Variants in NCALD observed in about 807,000 individuals in gnomAD.
NCALD encodes the protein neurocalcin-delta.
NCALD carries 10 observed loss-of-function variants against 18.6 expected under a neutral mutation model. The observed-to-expected ratio is 0.54, with a 90% CI of 0.33 to 0.91. The LOEUF (loss-of-function observed/expected upper bound fraction) is 0.91. NCALD is among the 40% of genes least tolerant of loss of function. The probability of loss-of-function intolerance (pLI) is 0.03; values close to 1 mark genes in which losing one functional copy is unlikely to be tolerated. For missense variants in NCALD, 184 were observed against 247.6 expected, an observed-to-expected ratio of 0.74 and a Z score of 1.72; for synonymous variants, 88 against 87.4, an observed-to-expected ratio of 1.01 and a Z score of -0.04.
chr8:101,690,807 C>T (rs1476249270), intron 3 of NCALD: 1 of 985,294 alleles, frequency 1.0e-6, no homozygotes, highest in Non-Finnish European at 1.2e-6. Context: ...TAATGACTTC[C>T]TCCAGCTTGG....
chr8:101,856,630 T>C (rs1351366458), intron 4 of NCALD, among the ~76,000 whole-genome samples: 1 of 152,170 alleles, frequency 6.6e-6, no homozygotes, highest in South Asian at 2.1e-4. Context: ...TGAAAACTTA[T>C]GGTATACTTA....
chr8:101,798,892 C>A (rs1812738044), intron 4 of NCALD, among the ~76,000 whole-genome samples: 2 of 152,224 alleles, frequency 1.3e-5, no homozygotes, highest in African/African-American at 4.8e-5. Flanking sequence ...TCTGCAAAGG[C>A]AATTCAATGG....
At chr8:101,865,259 AAAATGGTT>A (rs1815721988) in intron 4 of NCALD, among the ~76,000 whole-genome samples, 1 of 152,200 alleles carries the variant, frequency 6.6e-6, no homozygotes, top group Non-Finnish European at 1.5e-5. Flanking sequence ...CCAATCAAAT[AAAATGGTT>A]TGAATTCCCT....
chr8:101,928,245 C>T (rs1403914774), intron 2 of NCALD, among the ~76,000 whole-genome samples: 1 of 152,124 alleles, frequency 6.6e-6, no homozygotes, highest in Non-Finnish European at 1.5e-5. Flanking sequence ...ACAGCTAACC[C>T]GGTAGAAGAA....
chr8:101,719,216 A>G (rs2130439633), intron 2 of NCALD, 36 bp downstream of exon 2: 1 of 1,590,858 alleles, frequency 6.3e-7, no homozygotes, highest in Non-Finnish European at 8.5e-7. Context: ...CTTGAGATAC[A>G]TGCCCTTCTT....
intron 3 of NCALD, chr8:101,691,808 TC>T (rs1814739917): frequency 1.0e-6 from 1 of 985,264 alleles, no homozygotes; most frequent in East Asian, 1.1e-4. Flanking sequence ...GAAGCCGCCT[TC>T]TGCTGTTCTA....
Position 101,875,046 on chromosome 8 carries a change from A to G in NCALD, c.-20+12095T>C, listed in dbSNP as rs143510275. ...ATTAAATTGACAACATAACTGCATA[A>G]TAATAATGACTAGCCAGTACTGAGA... is the stretch of plus-strand genomic sequence containing the variant. On this transcript the variant is annotated intron_variant, in intron 4 of 6. Transcript: ENST00000311028. 9.4e-3 allele frequency among the ~76,000 whole-genome samples: 1,435 copies of G among 152,314 alleles called. 9 individuals are homozygous for G. The highest frequency in any genetic ancestry group is 0.014 in the Non-Finnish European group (956 of 68,028).
chr8:101,820,084 TTTTAA>T (rs1813659781), intron 4 of NCALD, among the ~76,000 whole-genome samples: 1 of 152,248 alleles, frequency 6.6e-6, no homozygotes, highest in African/African-American at 2.4e-5. Flanking sequence ...GGGTTAGATA[TTTTAA>T]TTTGTTTTAT....
intron 1 of NCALD, among the ~76,000 whole-genome samples, chr8:101,733,159 G>A (rs1214290815): frequency 6.6e-6 from 1 of 152,140 alleles, no homozygotes; most frequent in East Asian, 1.9e-4. Context: ...TGGCCAACAT[G>A]GCTAAAAGTA....
At chr8:102,047,604 G>C (rs1480513916) in intron 1 of NCALD, among the ~76,000 whole-genome samples, 4 of 152,196 alleles carry the variant, frequency 2.6e-5, no homozygotes, top group African/African-American at 9.7e-5. Flanking sequence ...CAGATCTGCA[G>C]CATTTATCAT....
intron 4 of NCALD, among the ~76,000 whole-genome samples, chr8:101,839,849 G>T (rs1814568475): frequency 6.6e-6 from 1 of 152,074 alleles, no homozygotes; most frequent in African/African-American, 2.4e-5. Context: ...TGTCTGGGAA[G>T]CATGTGTTAG....
intron 2 of NCALD, among the ~76,000 whole-genome samples, chr8:101,999,627 A>G (rs1821372357): frequency 6.6e-6 from 1 of 152,142 alleles, no homozygotes; most frequent in Admixed American, 6.5e-5. Flanking sequence ...GAACTTATCA[A>G]TGTAACCAAA....
intron 1 of NCALD, among the ~76,000 whole-genome samples, chr8:102,097,524 C>T (rs565031694): frequency 5.3e-4 from 80 of 152,296 alleles, no homozygotes; most frequent in Admixed American, 2.4e-3. Flanking sequence ...CAGATCCCTT[C>T]CCGGTGAGAC....
chr8:101,933,349 G>A (rs745869256), intron 2 of NCALD, among the ~76,000 whole-genome samples: 25 of 152,166 alleles, frequency 1.6e-4, no homozygotes, highest in Non-Finnish European at 2.9e-4. Context: ...TGATGGAAGC[G>A]GAGATTGGCA....
intron 1 of NCALD, among the ~76,000 whole-genome samples, chr8:101,766,807 G>A: frequency 6.6e-6 from 1 of 152,166 alleles, no homozygotes; most frequent in South Asian, 2.1e-4. Context: ...TCGAACTTCT[G>A]ACCTCAGGTG....
intron 4 of NCALD, among the ~76,000 whole-genome samples, chr8:101,813,028 A>G (rs1360835672): frequency 2.0e-5 from 3 of 152,168 alleles, no homozygotes; most frequent in South Asian, 2.1e-4. Context: ...AAAATCTTCA[A>G]TGGGTGCTTT....
chr8:101,740,995 G>C (rs1038628656), intron 1 of NCALD, among the ~76,000 whole-genome samples: 1 of 152,184 alleles, frequency 6.6e-6, no homozygotes, highest in Non-Finnish European at 1.5e-5. Flanking sequence ...TGTAGAATCA[G>C]TGTAAAAAAA....
intron 2 of NCALD, among the ~76,000 whole-genome samples, chr8:102,012,818 G>T (rs1234370917): frequency 2.0e-5 from 3 of 152,122 alleles, no homozygotes; most frequent in Non-Finnish European, 4.4e-5. Context: ...CTTCAGGACT[G>T]CAAAACACAC....
At chr8:101,967,840 GACAC>G (rs34321706) in intron 2 of NCALD, among the ~76,000 whole-genome samples, 10 of 147,788 alleles carry the variant, frequency 6.8e-5, no homozygotes, top group Non-Finnish European at 1.4e-4. Flanking sequence ...TCTTAAAATT[GACAC>G]ACACACACAC....
Sources: gnomAD v4.1 joint callset for allele counts (sites outside exome capture counted in the v4.1 genomes callset) on GRCh38, gnomAD v4.1.1 for gene constraint, MANE v1.5 for transcripts, NCBI Gene and HGNC (gene_info 2026-07-23, HGNC 2026-07-21) for gene names.